IL1RN: variants seen among roughly 807,000 people sequenced by gnomAD.
The protein encoded by IL1RN is interleukin 1 receptor antagonist.
Under a neutral mutation model 13.7 loss-of-function variants are expected in IL1RN, and 10 were observed. The observed-to-expected ratio is 0.73, with a 90% CI of 0.45 to 1.24. The LOEUF is 1.24. Ranked by LOEUF, IL1RN falls within the 50% of genes most tolerant of loss-of-function variation. The probability of loss-of-function intolerance (pLI) is 0.00; values close to 1 mark genes in which losing one functional copy is unlikely to be tolerated. For missense variants in IL1RN, 213 were observed against 222.1 expected, an observed-to-expected ratio of 0.96 and a Z score of 0.26; for synonymous variants, 102 against 82.7, an observed-to-expected ratio of 1.23 and a Z score of -1.27.
chr2:113,124,551 A>C (rs1482727466), upstream of IL1RN, among the ~76,000 whole-genome samples: 1 of 152,100 alleles, frequency 6.6e-6, no homozygotes, highest in Non-Finnish European at 1.5e-5. Flanking sequence ...GGGCTGGGGC[A>C]TTCATTGTGC....
At position 113,132,766 on chromosome 2, in the gene IL1RN, T is replaced by C. The variant is rs750017288; in HGVS notation, c.429T>C (p.Gly143=). 2 of 1,614,118 alleles carry C rather than the reference T, an allele frequency of 1.2e-6. No individual in the cohort carries two copies. Among genetic ancestry groups the C allele is most frequent in the Non-Finnish European group, 1.7e-6 (2 of 1,180,052 alleles). ...GTTTTGAGTCTGCCGCCTGCCCCGGTTGGTTCCTCTGCACAGCGATGGAAG... is the reference window on the plus strand; with the variant it reads ...GTTTTGAGTCTGCCGCCTGCCCCGGCTGGTTCCTCTGCACAGCGATGGAAG... ...TTSFESAACP[G]WFLCTAMEAD... is the part of the protein sequence containing the mutation. The change falls in exon 4 of 4, where the codon GGT becomes GGC. Residue 143 remains glycine (G), a synonymous_variant. Coordinates refer to ENST00000409930, the MANE Select transcript of IL1RN (RefSeq NM_173842.3).
At chr2:113,132,139 T>C (rs1687191330) in intron 3 of IL1RN, among the ~76,000 whole-genome samples, 1 of 152,182 alleles carries the variant, frequency 6.6e-6, no homozygotes, top group Non-Finnish European at 1.5e-5. Context: ...CCTCTTTGTG[T>C]CTTTGCTGTC....
upstream of IL1RN, among the ~76,000 whole-genome samples, chr2:113,103,012 T>A (rs1320943771): frequency 6.6e-6 from 1 of 152,196 alleles, no homozygotes; most frequent in Non-Finnish European, 1.5e-5. Flanking sequence ...TGACCTGACA[T>A]CCCATGCCCA....
At chr2:113,130,918 C>G (rs1207840923) in intron 2 of IL1RN, 127 bp from the exon 3 acceptor site, 3 of 712,086 alleles carry the variant, frequency 4.2e-6, no homozygotes, top group Non-Finnish European at 7.7e-6. Context: ...GATGAGACCT[C>G]TCTGCCCTTC....
At chr2:113,102,081 T>A in the IL1RN span, among the ~76,000 whole-genome samples, 1 of 152,194 alleles carries the variant, frequency 6.6e-6, no homozygotes, top group Non-Finnish European at 1.5e-5. Flanking sequence ...ACTTTTTTTC[T>A]TAAGGAGATT....
chr2:113,107,898 G>A (rs1339278562), upstream of IL1RN, among the ~76,000 whole-genome samples: 1 of 152,036 alleles, frequency 6.6e-6, no homozygotes, highest in Non-Finnish European at 1.5e-5. Context: ...CTTTTGTGTT[G>A]TTACAACTGA....
At chr2:113,127,528 AGGGTGGCAGACGCCTAGCTT>A, upstream of IL1RN, 1 of 1,519,884 alleles carries the variant, frequency 6.6e-7, no homozygotes, top group Non-Finnish European at 8.8e-7. Flanking sequence ...GCAGTGGGGC[AGGGTGGCAGACGCCTAGCTT>A]GGGTGAGTGA....
In IL1RN at chr2:113,121,974, G is replaced by C. The variant is rs148029333; in HGVS notation, c.73+1846G>C. ...TCTTTGTACTAAAATATTTACCCAT[G>C]ACTGGGAAAGAGCAACTGGAGTCTT... On this transcript the variant is annotated intron_variant, in intron 2 of 5. Transcript: ENST00000259206. Among the ~76,000 whole-genome samples the C allele has an allele frequency of 4.6e-5, 7 of 152,340 alleles. No homozygotes were observed. The East Asian group carries it at 1.3e-3, about 29-fold the overall frequency.
intron 2 of IL1RN, chr2:113,130,115 C>T (rs4252016): frequency 0.01 from 1,939 of 187,286 alleles, 40 homozygotes; most frequent in African/African-American, 0.042. Context: ...AGCTGGATGA[C>T]CTTGAAGAAG....
chr2:113,105,051 A>G (rs1686367022), upstream of IL1RN, among the ~76,000 whole-genome samples: 1 of 152,232 alleles, frequency 6.6e-6, no homozygotes, highest in Non-Finnish European at 1.5e-5. Flanking sequence ...GGAAGTTGTA[A>G]CACCAATAGA....
Position 113,133,428 on chromosome 2 carries a change from A to C in IL1RN, c.*557A>C, listed in dbSNP as rs1206586269. The C allele has an allele frequency of 6.3e-6, 1 of 159,464 alleles. No individual in the cohort carries two copies. Among genetic ancestry groups the C allele is most frequent in the Non-Finnish European group, 1.4e-5 (1 of 71,934 alleles). The allele number at this position is 159,464 out of a possible 1,614,324, so 9.9% of individuals were successfully genotyped here. ...CTTTCGGGGAGAGGCTGAGGACTTA[A>C]AATATTCCTGCATTTGTGAAATGAT... On this transcript the variant is annotated 3_prime_UTR_variant, in exon 4 of 4. Transcript: ENST00000409930.
chr2:113,119,001 C>A (rs1219874542), intron 1 of IL1RN, among the ~76,000 whole-genome samples: 2 of 152,100 alleles, frequency 1.3e-5, no homozygotes, highest in African/African-American at 4.8e-5. Context: ...CACACCACTG[C>A]ACTCCAGTCT....
At chr2:113,113,806 A>C (rs1380533020), upstream of IL1RN, among the ~76,000 whole-genome samples, 3 of 152,252 alleles carry the variant, frequency 2.0e-5, no homozygotes, top group African/African-American at 7.2e-5. Context: ...GCTCAGCAAC[A>C]TGAGGCTGGG....
intron 2 of IL1RN, chr2:113,121,309 T>C (rs1007505958): frequency 1.3e-5 from 3 of 230,308 alleles, no homozygotes; most frequent in African/African-American, 2.3e-5. Context: ...AATATGTCTG[T>C]CCACTTTGCA....
At chr2:113,118,737 T>C (rs983438909) in intron 1 of IL1RN, among the ~76,000 whole-genome samples, 2 of 152,230 alleles carry the variant, frequency 1.3e-5, no homozygotes, top group African/African-American at 4.8e-5. Flanking sequence ...AAGTTTCTAA[T>C]TTAAAATTGG....
intron 1 of IL1RN, chr2:113,118,081 T>A (rs1424382694): frequency 1.2e-6 from 2 of 1,613,254 alleles, no homozygotes; most frequent in Non-Finnish European, 1.7e-6. Context: ...GAGGAAAATG[T>A]CTACAATTGG....
At chr2:113,102,389 C>T (rs1308285868), upstream of IL1RN, among the ~76,000 whole-genome samples, 1 of 152,226 alleles carries the variant, frequency 6.6e-6, no homozygotes, top group Non-Finnish European at 1.5e-5. Context: ...TCTTCAAATA[C>T]AGCCACACTG....
At chr2:113,131,892 C>A (rs440286) in intron 3 of IL1RN, among the ~76,000 whole-genome samples, 32,471 of 152,098 alleles carry the variant, frequency 0.21, 4,004 homozygotes, top group Admixed American at 0.28. Flanking sequence ...TGGCACTGTC[C>A]CATCCCTCAC....
chr2:113,132,975 C>A lies in IL1RN; in HGVS notation c.*104C>A. The A allele has an allele frequency of 2.7e-6, 3 of 1,104,254 alleles. No individual in the cohort carries two copies. Among genetic ancestry groups the A allele is most frequent in the Middle Eastern group, 2.4e-4 (1 of 4,236 alleles). The allele number at this position is 1,104,254 out of a possible 1,614,324, so 68.4% of individuals were successfully genotyped here. Reference sequence around the variant, plus strand: ...CGGCTATGGGGGCACTGAGGACCAGCCATTGAGGGGTGGACCCTCAGAAGG... The same window carrying A: ...CGGCTATGGGGGCACTGAGGACCAGACATTGAGGGGTGGACCCTCAGAAGG... On this transcript the variant is annotated 3_prime_UTR_variant, in exon 4 of 4. Coordinates refer to ENST00000409930, the MANE Select transcript of IL1RN (RefSeq NM_173842.3).
Sources: gnomAD v4.1 joint callset for allele counts (sites outside exome capture counted in the v4.1 genomes callset) on GRCh38, gnomAD v4.1.1 for gene constraint, MANE v1.5 for transcripts, NCBI Gene and HGNC (gene_info 2026-07-23, HGNC 2026-07-21) for gene names.